Variants in NARS2 observed in about 807,000 individuals in gnomAD.
The protein encoded by NARS2 is asparaginyl-tRNA synthetase.
A neutral mutation model predicts 62.9 loss-of-function variants in NARS2; 60 were observed. That is an observed-to-expected ratio of 0.95 (90% CI 0.77 to 1.18). The LOEUF is 1.18. Ranked by LOEUF, NARS2 falls within the 50% of genes most tolerant of loss-of-function variation. The probability of loss-of-function intolerance (pLI) is 0.00; values close to 1 mark genes in which losing one functional copy is unlikely to be tolerated. For missense variants in NARS2, 619 were observed against 576.4 expected (o/e 1.07, Z -0.76); for synonymous variants, 196 against 200.0 (o/e 0.98, Z 0.17).
chr11:78,487,081 C>T (rs1482254900), intron 7 of NARS2, among the ~76,000 whole-genome samples: 1 of 151,946 alleles, frequency 6.6e-6, no homozygotes, highest in Non-Finnish European at 1.5e-5. Context: ...ACTAGCCAGG[C>T]ATGGTGGCTC....
At chr11:78,573,507 G>C (rs1170358370) in intron 1 of NARS2, 1 of 152,270 alleles carries the variant, frequency 6.6e-6, no homozygotes, top group East Asian at 1.9e-4. Context: ...CTGCGCTCCA[G>C]TCTGGGTGAC....
At chr11:78,563,885 G>GTGT (rs1856650629) in intron 4 of NARS2, among the ~76,000 whole-genome samples, 4 of 82,072 alleles carry the variant, frequency 4.9e-5, no homozygotes, top group Non-Finnish European at 9.4e-5. Context: ...CACACACACA[G>GTGT]TATTATTATT....
chr11:78,448,065 ATGATAG>A (rs1857824925), intron 11 of NARS2, among the ~76,000 whole-genome samples: 1 of 152,186 alleles, frequency 6.6e-6, no homozygotes, highest in Non-Finnish European at 1.5e-5. Flanking sequence ...CACTATAAAA[ATGATAG>A]ATAAGTCAGG....
chr11:78,507,834 A>T (rs1007478030), intron 6 of NARS2, among the ~76,000 whole-genome samples: 4 of 151,108 alleles, frequency 2.6e-5, no homozygotes, highest in Admixed American at 1.3e-4. Context: ...TTTCATTTTT[A>T]AAAAAATCAC....
intron 9 of NARS2, among the ~76,000 whole-genome samples, chr11:78,478,062 CTTG>C (rs1336098000): frequency 1.3e-5 from 2 of 152,108 alleles, no homozygotes; most frequent in Admixed American, 6.5e-5. Flanking sequence ...GAATTCTTGT[CTTG>C]TTGTAACCTA....
rs180679367 is a variant in NARS2, at chr11:78,563,258, G to A, written c.513+2874C>T. Among the ~76,000 whole-genome samples, 116 of 125,450 alleles carry A rather than the reference G, an allele frequency of 9.2e-4. 1 individual carries two copies. Among genetic ancestry groups the A allele is most frequent in the Middle Eastern group, 6.3e-3 (1 of 160 alleles). 82.3% of individuals were successfully genotyped at this position (125,450 alleles called of 152,430 possible). A position where few individuals can be genotyped will look rare whatever the true frequency, so the allele number is the denominator to read the frequency against. ...TTTTGAGACAGAGTCTTACTCTGTC[G>A]CCAGGTTGGAGTGCAGTGGCGCAAT... is the stretch of plus-strand genomic sequence containing the variant. On this transcript the variant is annotated intron_variant, in intron 4 of 13. Transcript: ENST00000281038.
At chr11:78,549,260 C>T (rs551173266) in intron 5 of NARS2, among the ~76,000 whole-genome samples, 3 of 152,340 alleles carry the variant, frequency 2.0e-5, no homozygotes, top group South Asian at 4.1e-4. Context: ...TGGGCTGCTG[C>T]CTCTTGCTCC....
intron 11 of NARS2, among the ~76,000 whole-genome samples, chr11:78,444,609 C>T (rs1003528699): frequency 4.0e-5 from 6 of 151,588 alleles, no homozygotes; most frequent in Non-Finnish European, 8.8e-5. Context: ...ATCCCAGCTA[C>T]TTGGGAGGCC....
At chr11:78,539,855 T>C (rs919248115) in intron 5 of NARS2, among the ~76,000 whole-genome samples, 13 of 152,328 alleles carry the variant, frequency 8.5e-5, no homozygotes, top group African/African-American at 2.9e-4. Context: ...GTTAAGGCAT[T>C]CATATAGTCT....
chr11:78,532,122 T>C (rs541271678), intron 5 of NARS2, among the ~76,000 whole-genome samples: 137 of 152,336 alleles, frequency 9.0e-4, no homozygotes, highest in African/African-American at 3.2e-3. Flanking sequence ...AGGATTGTAA[T>C]CTTAAATTTG....
intron 5 of NARS2, chr11:78,533,417 C>G (rs543706774): frequency 8.5e-5 from 13 of 152,254 alleles, no homozygotes; most frequent in African/African-American, 2.9e-4. Flanking sequence ...AGTTTGTAAC[C>G]TTTTCTCTCA....
intron 11 of NARS2, among the ~76,000 whole-genome samples, chr11:78,445,646 T>C (rs10751289): frequency 3.3e-5 from 5 of 151,630 alleles, no homozygotes; most frequent in African/African-American, 4.9e-5. Flanking sequence ...ATTAAAAAAA[T>C]TTTTTTTAAA....
intron 9 of NARS2, among the ~76,000 whole-genome samples, chr11:78,470,807 A>G (rs1277448954): frequency 2.0e-5 from 3 of 151,726 alleles, no homozygotes; most frequent in Non-Finnish European, 4.4e-5. Flanking sequence ...TTTTATATCA[A>G]TTTATACCCA....
At chr11:78,536,396 T>C (rs1178735172) in intron 5 of NARS2, among the ~76,000 whole-genome samples, 3 of 152,188 alleles carry the variant, frequency 2.0e-5, no homozygotes, top group Non-Finnish European at 2.9e-5. Context: ...GACAGCTCCA[T>C]GTGTGTTACT....
At chr11:78,495,756 C>CA (rs1860030742) in intron 6 of NARS2, among the ~76,000 whole-genome samples, 1 of 152,134 alleles carries the variant, frequency 6.6e-6, no homozygotes, top group Non-Finnish European at 1.5e-5. Context: ...AGGTCTGGCC[C>CA]AAACAATAAA....
rs184519747 is a variant in NARS2, at chr11:78,454,816, A to G, written c.1165-11058T>C. Among the ~76,000 whole-genome samples the G allele has an allele frequency of 1.7e-3, 264 of 152,146 alleles. 1 individual carries two copies. The highest frequency in any genetic ancestry group is 6.8e-3 in the Middle Eastern group (2 of 292). Reference sequence around the variant, plus strand: ...CGTATTTTTAGTAGAGACAGGTTTCACCATGTTGGCCAGGCTGGTCTCGAA... The same window carrying G: ...CGTATTTTTAGTAGAGACAGGTTTCGCCATGTTGGCCAGGCTGGTCTCGAA... On this transcript the variant is annotated intron_variant, in intron 11 of 13. Transcript: ENST00000281038.
chr11:78,560,707 G>A (rs948056324), intron 4 of NARS2, among the ~76,000 whole-genome samples: 26 of 152,062 alleles, frequency 1.7e-4, no homozygotes, highest in African/African-American at 6.0e-4. Context: ...CTTATGATGT[G>A]GACTGATTAA....
intron 11 of NARS2, among the ~76,000 whole-genome samples, chr11:78,460,343 G>C (rs186899323): frequency 6.6e-6 from 1 of 151,260 alleles, no homozygotes; most frequent in African/African-American, 2.4e-5. Flanking sequence ...CTGGGATCAA[G>C]TGATCTGTGC....
rs1012402283 is a variant in NARS2 at position 78,523,294 on chromosome 11, C to T, written c.689+5548G>A. On this transcript the variant is annotated intron_variant, in intron 6 of 13. Coordinates refer to ENST00000281038, the MANE Select transcript of NARS2 (RefSeq NM_024678.6). Reference sequence around the variant, plus strand: ...AGATACTACTTTACATTTGTCAGAACAGCTACAATAAAAAGACAATAATAA... The same window carrying T: ...AGATACTACTTTACATTTGTCAGAATAGCTACAATAAAAAGACAATAATAA... 2.8e-5 allele frequency among the ~76,000 whole-genome samples: 4 copies of T among 144,296 alleles called. No homozygotes were observed. In the South Asian group the frequency reaches 8.3e-4, roughly 30 times the overall value. 94.7% of individuals were successfully genotyped at this position (144,296 alleles called of 152,430 possible). A position where few individuals can be genotyped will look rare whatever the true frequency, so the allele number is the denominator to read the frequency against.
Sources: allele counts gnomAD v4.1 joint callset (sites outside exome capture counted in the v4.1 genomes callset), GRCh38; gene constraint gnomAD v4.1.1; transcripts MANE v1.5; gene names NCBI Gene and HGNC (gene_info 2026-07-23, HGNC 2026-07-21).